Variants in PTPRM observed in about 807,000 individuals in gnomAD.
PTPRM encodes the protein receptor-type tyrosine-protein phosphatase mu.
A neutral mutation model predicts 186.7 loss-of-function variants in PTPRM; 47 were observed. That is an observed-to-expected ratio of 0.25 (90% CI 0.20 to 0.32). The LOEUF is 0.32. PTPRM is among the 10% of genes least tolerant of loss of function. The probability of loss-of-function intolerance (pLI) is 1.00; values close to 1 mark genes in which losing one functional copy is unlikely to be tolerated. For synonymous variants in PTPRM, 668 were observed against 674.9 expected (o/e 0.99, Z 0.16); for missense variants, 1,494 against 1,865.0 (o/e 0.80, Z 3.66).
At chr18:7,665,488 G>C (rs2039075477) in intron 1 of PTPRM, among the ~76,000 whole-genome samples, 3 of 152,152 alleles carry the variant, frequency 2.0e-5, no homozygotes, top group Admixed American at 2.0e-4. Context: ...AGTTTAAATA[G>C]TGCTTCAAAG....
At chr18:7,951,372 C>T (rs2052941673) in intron 6 of PTPRM, among the ~76,000 whole-genome samples, 1 of 152,116 alleles carries the variant, frequency 6.6e-6, no homozygotes, top group African/African-American at 2.4e-5. Flanking sequence ...TATACTGCTT[C>T]ACTGTGACCT....
chr18:8,248,185 AT>A lies in PTPRM; in HGVS notation c.2554+12del. ...GCCAACTGCAATTTTAGGTGAGAAC[AT>A]TTCCCTTTACCACAGTTTATTGCAG... On this transcript the variant is annotated intron_variant, in intron 17 of 32. Transcript: ENST00000580170. The A allele has an allele frequency of 3.3e-6, 5 of 1,527,572 alleles. No individual in the cohort carries two copies. Among genetic ancestry groups the A allele is most frequent in the African/African-American group, 2.7e-5 (2 of 73,006 alleles). The allele number at this position is 1,527,572 out of a possible 1,614,324, so 94.6% of individuals were successfully genotyped here.
At chr18:8,352,653 G>GTTTTTTTTTTT (rs1355276752) in intron 23 of PTPRM, among the ~76,000 whole-genome samples, 1 of 121,346 alleles carries the variant, frequency 8.2e-6, no homozygotes, top group African/African-American at 2.9e-5. Flanking sequence ...TTTTGGTTTG[G>GTTTTTTTTTTT]TTTTTTTTGT....
intron 1 of PTPRM, among the ~76,000 whole-genome samples, chr18:7,588,825 T>C (rs543775676): frequency 9.8e-5 from 15 of 152,298 alleles, no homozygotes; most frequent in Admixed American, 7.8e-4. Flanking sequence ...ATATCTAATT[T>C]TATAACACCT....
intron 28 of PTPRM, 73 bp downstream of exon 28, chr18:8,379,413 C>G: frequency 1.4e-6 from 2 of 1,380,950 alleles, no homozygotes; most frequent in South Asian, 1.6e-5. Flanking sequence ...CTTGGGTCTT[C>G]CCCATTCTGC....
chr18:7,870,769 A>G (rs1019107446), intron 2 of PTPRM, among the ~76,000 whole-genome samples: 6 of 152,142 alleles, frequency 3.9e-5, no homozygotes, highest in African/African-American at 1.4e-4. Context: ...CCTTTAGTTC[A>G]GCTTTCTCCT....
At chr18:7,759,658 C>CTTA (rs2041676660) in intron 1 of PTPRM, among the ~76,000 whole-genome samples, 1 of 152,016 alleles carries the variant, frequency 6.6e-6, no homozygotes, top group Non-Finnish European at 1.5e-5. Flanking sequence ...TCTAGTTATC[C>CTTA]TTACTTGTGG....
chr18:7,684,363 G>A (rs950191631), intron 1 of PTPRM, among the ~76,000 whole-genome samples: 2 of 152,020 alleles, frequency 1.3e-5, no homozygotes, highest in East Asian at 1.9e-4. Context: ...ACGTAACATG[G>A]GATCATAAGA....
chr18:7,891,392 C>T (rs2049073295), intron 3 of PTPRM, among the ~76,000 whole-genome samples: 1 of 151,684 alleles, frequency 6.6e-6, no homozygotes, highest in Non-Finnish European at 1.5e-5. Flanking sequence ...TCAGTTTTCC[C>T]CAACGTACAT....
chr18:7,959,123 A>G (rs1476897110), intron 7 of PTPRM, among the ~76,000 whole-genome samples: 1 of 152,226 alleles, frequency 6.6e-6, no homozygotes, highest in Non-Finnish European at 1.5e-5. Flanking sequence ...GTGAGCCTTA[A>G]TGAGCTACTG....
chr18:8,257,813 T>G (rs2094588287), intron 19 of PTPRM, among the ~76,000 whole-genome samples: 1 of 152,226 alleles, frequency 6.6e-6, no homozygotes, highest in Admixed American at 6.5e-5. Flanking sequence ...TTCTCTCTGC[T>G]GAACAGGTTT....
chr18:8,237,463 C>T (rs28897095), intron 14 of PTPRM, among the ~76,000 whole-genome samples: 4,001 of 22,630 alleles, frequency 0.18, 129 homozygotes, highest in African/African-American at 0.32. Context: ...TTTTTTTTTT[C>T]CTGAGACAGA....
chr18:8,313,263 C>G (rs1456846820), intron 20 of PTPRM, among the ~76,000 whole-genome samples: 2 of 152,136 alleles, frequency 1.3e-5, no homozygotes, highest in African/African-American at 4.8e-5. Context: ...TGAAGTTTTG[C>G]AAAATGTTCT....
chr18:7,611,434 C>T (rs1036560720), intron 1 of PTPRM, among the ~76,000 whole-genome samples: 2 of 152,102 alleles, frequency 1.3e-5, no homozygotes, highest in African/African-American at 4.8e-5. Flanking sequence ...TACAGGTGTA[C>T]AATTTTTATC....
chr18:7,678,243 G>A lies in PTPRM; in HGVS notation c.74-95906G>A, dbSNP rs542705460. On this transcript the variant is annotated intron_variant, in intron 1 of 32. Transcript: ENST00000580170. Reference sequence around the variant, plus strand: ...GGTAGTTAGGAAGTCCTGGCTTCACGCTCAGGGGTAGGGTGGCTGTATGTC... The same window carrying A: ...GGTAGTTAGGAAGTCCTGGCTTCACACTCAGGGGTAGGGTGGCTGTATGTC... 1.2e-4 allele frequency among the ~76,000 whole-genome samples: 18 copies of A among 152,288 alleles called. No homozygotes were observed. In the South Asian group the frequency reaches 1.7e-3, roughly 14 times the overall value.
chr18:8,249,303 T>C (rs2094506090), intron 17 of PTPRM, among the ~76,000 whole-genome samples: 1 of 152,086 alleles, frequency 6.6e-6, no homozygotes, highest in African/African-American at 2.4e-5. Context: ...GTTTGTTGCC[T>C]AAGGAAAAAA....
At chr18:7,714,665 A>G (rs1202334244) in intron 1 of PTPRM, among the ~76,000 whole-genome samples, 1 of 152,176 alleles carries the variant, frequency 6.6e-6, no homozygotes, top group East Asian at 1.9e-4. Flanking sequence ...AAAAGACACA[A>G]TAAAAATGAT....
chr18:8,016,236 A>G (rs73383902), intron 7 of PTPRM, among the ~76,000 whole-genome samples: 4,220 of 152,142 alleles, frequency 0.028, 113 homozygotes, highest in African/African-American at 0.07. Flanking sequence ...GAAAACTTAA[A>G]AGGCCAGGAG....
chr18:8,314,840 A>G lies in PTPRM; in HGVS notation c.2902A>G (p.Asn968Asp). ...AGGAGACACAAACTCAGACTATATC[A>G]ATGGCAATTATATCGATGTATGTAT... ...IEGDTNSDYI[N>D]GNYIDGYHRP... The change falls in exon 21 of 33, where the codon AAT becomes GAT. Residue 968 changes from asparagine (N) to aspartate (D), a missense_variant. By Grantham distance (23) the Asn-to-Asp change is conservative (BLOSUM62 1). This residue lies in a region of PTPRM where 1,107 missense variants were observed against 1,350.2 expected (regional missense o/e 0.82). Coordinates refer to ENST00000580170, the MANE Select transcript of PTPRM (RefSeq NM_001105244.2). The G allele has an allele frequency of 1.9e-6, 3 of 1,600,394 alleles. No homozygotes were observed. The highest frequency in any genetic ancestry group is 2.6e-6 in the Non-Finnish European group (3 of 1,168,538).
Sources: gnomAD v4.1 joint callset for allele counts (sites outside exome capture counted in the v4.1 genomes callset) on GRCh38, gnomAD v4.1.1 for gene constraint, gnomAD v4.1.1 regional missense constraint, MANE v1.5 for transcripts, NCBI Gene and HGNC (gene_info 2026-07-23, HGNC 2026-07-21) for gene names.